FAM222B: variants seen among roughly 807,000 people sequenced by gnomAD.
The protein encoded by FAM222B is protein FAM222B.
A neutral mutation model predicts 38.0 loss-of-function variants in FAM222B; 12 were observed. That is an observed-to-expected ratio of 0.32 (90% CI 0.20 to 0.51). The LOEUF (loss-of-function observed/expected upper bound fraction) is 0.51, where lower values mean the gene tolerates loss of function less well. Ranked by LOEUF, FAM222B falls within the 20% of genes least tolerant of loss-of-function variation. FAM222B has a pLI of 0.97. For synonymous variants in FAM222B, 329 were observed against 317.2 expected (o/e 1.04, Z -0.40); for missense variants, 716 against 754.2 (o/e 0.95, Z 0.59).
chr17:28,803,667 G>A (rs1378678078), intron 1 of FAM222B, among the ~76,000 whole-genome samples: 1 of 151,966 alleles, frequency 6.6e-6, no homozygotes, highest in African/African-American at 2.4e-5. Context: ...TATACTATGG[G>A]GTCAGAAGAC....
intron 1 of FAM222B, among the ~76,000 whole-genome samples, chr17:28,787,012 C>T (rs1359498828): frequency 5.3e-5 from 8 of 151,342 alleles, no homozygotes; most frequent in African/African-American, 1.7e-4. Context: ...GCAACCTCCA[C>T]CTCCTGGGTT....
chr17:28,760,260 G>C (rs1025393839), intron 2 of FAM222B, among the ~76,000 whole-genome samples: 1 of 152,092 alleles, frequency 6.6e-6, no homozygotes, highest in African/African-American at 2.4e-5. Context: ...AGAGGTAACC[G>C]AGAGTTCTCC....
chr17:28,854,962 C>G (rs2039217201), exon 1 of FAM222B: 1 of 1,492,624 alleles, frequency 6.7e-7, no homozygotes, highest in Non-Finnish European at 8.9e-7. Flanking sequence ...CTCTCCTACT[C>G]GCTGGTTCGT....
intron 1 of FAM222B, chr17:28,767,021 C>T (rs981074915): frequency 9.2e-6 from 2 of 217,196 alleles, no homozygotes; most frequent in South Asian, 1.7e-4. Context: ...GGAGAGTGGG[C>T]CCTCATAGGG....
chr17:28,822,856 T>C (rs1430209134), intron 1 of FAM222B, among the ~76,000 whole-genome samples: 1 of 103,624 alleles, frequency 9.7e-6, no homozygotes, highest in South Asian at 3.2e-4. Context: ...TATATATATA[T>C]ATATATATAC....
chr17:28,840,016 A>G (rs1190089360), intron 1 of FAM222B, among the ~76,000 whole-genome samples: 1 of 151,994 alleles, frequency 6.6e-6, no homozygotes, highest in African/African-American at 2.4e-5. Context: ...TAAGGTCTCA[A>G]TCCTCAGAGT....
chr17:28,804,907 G>A (rs542744758), intron 1 of FAM222B, among the ~76,000 whole-genome samples: 8 of 151,756 alleles, frequency 5.3e-5, no homozygotes, highest in Middle Eastern at 3.5e-3. Context: ...TTAGCCAGGC[G>A]TGGTGGCAGG....
At chr17:28,812,134 C>T (rs920959686) in intron 1 of FAM222B, 11 of 152,150 alleles carry the variant, frequency 7.2e-5, no homozygotes, top group African/African-American at 2.4e-4. Flanking sequence ...ACATTATTTC[C>T]CGTTCCATTT....
At chr17:28,790,984 C>T (rs898473475) in intron 1 of FAM222B, among the ~76,000 whole-genome samples, 7 of 143,200 alleles carry the variant, frequency 4.9e-5, no homozygotes, top group South Asian at 2.3e-4. Flanking sequence ...CTGCAAGCTC[C>T]GCCTCCCAGG....
chr17:28,770,111 C>G (rs2035551740), intron 1 of FAM222B, among the ~76,000 whole-genome samples: 1 of 152,078 alleles, frequency 6.6e-6, no homozygotes, highest in South Asian at 2.1e-4. Flanking sequence ...CACTTTTTAC[C>G]ACCATCATTA....
intron 1 of FAM222B, among the ~76,000 whole-genome samples, chr17:28,838,633 G>A (rs771243199): frequency 2.6e-4 from 40 of 151,838 alleles, no homozygotes; most frequent in African/African-American, 8.2e-4. Context: ...TTGGCTGGGC[G>A]CGGTGGCTCA....
intron 2 of FAM222B, among the ~76,000 whole-genome samples, chr17:28,764,669 C>T (rs964402158): frequency 6.6e-6 from 1 of 151,920 alleles, no homozygotes; most frequent in South Asian, 2.1e-4. Flanking sequence ...ATCGCTTGAA[C>T]CCAGAAGGCG....
At chr17:28,782,994 C>T (rs2036227527) in intron 1 of FAM222B, among the ~76,000 whole-genome samples, 3 of 151,364 alleles carry the variant, frequency 2.0e-5, no homozygotes, top group South Asian at 4.2e-4. Flanking sequence ...AAAAATTAGC[C>T]GGGTGAGGCG....
chr17:28,791,807 G>A (rs866840084), intron 1 of FAM222B, among the ~76,000 whole-genome samples: 13 of 151,174 alleles, frequency 8.6e-5, no homozygotes, highest in Admixed American at 1.3e-4. Flanking sequence ...TTACAGGCAC[G>A]TGTCACCACG....
intron 1 of FAM222B, among the ~76,000 whole-genome samples, chr17:28,817,108 T>C (rs1296966627): frequency 6.6e-6 from 1 of 151,700 alleles, no homozygotes; most frequent in Admixed American, 6.6e-5. Context: ...AAGACATGAC[T>C]GTTAAAAAAA....
chr17:28,802,658 G>C lies in FAM222B; in HGVS notation c.-40-35951C>G, dbSNP rs143029884. 568 of 180,058 alleles carry C rather than the reference G, an allele frequency of 3.2e-3. 3 individuals carry two copies. The highest frequency in any genetic ancestry group is 5.1e-3 in the Non-Finnish European group (405 of 79,392). 11.2% of individuals were successfully genotyped at this position (180,058 alleles called of 1,614,324 possible). A position where few individuals can be genotyped will look rare whatever the true frequency, so the allele number is the denominator to read the frequency against. ...CATTGATAGCAGGCTCAACAAAGCT[G>C]TCTGGGCCAAAGGAATAAGGAATGT... is the stretch of plus-strand genomic sequence containing the variant. On this transcript the variant is annotated intron_variant, in intron 1 of 2. Transcript: ENST00000581407.
chr17:28,832,798 G>A (rs1286088307), intron 1 of FAM222B, among the ~76,000 whole-genome samples: 2 of 152,066 alleles, frequency 1.3e-5, no homozygotes, highest in African/African-American at 4.8e-5. Flanking sequence ...CAAGAAGGGG[G>A]AGAAGTTGAA....
Position 28,852,124 on chromosome 17 carries a change from T to A in FAM222B, c.-41+2826A>T, listed in dbSNP as rs536639673. On this transcript the variant is annotated intron_variant, in intron 1 of 2. Coordinates refer to the FAM222B transcript ENST00000577513. ...GGCTCACGCCTGCAATCCTAGCACT[T>A]TGGGAGGCCAAGGCGGGTGGATCAC... Among the ~76,000 whole-genome samples the A allele has an allele frequency of 9.2e-5, 14 of 151,868 alleles. No homozygotes were observed. In the East Asian group the frequency reaches 2.5e-3, roughly 27 times the overall value.
chr17:28,829,098 A>C (rs2038554301), intron 1 of FAM222B, among the ~76,000 whole-genome samples: 1 of 151,044 alleles, frequency 6.6e-6, no homozygotes, highest in Admixed American at 6.6e-5. Flanking sequence ...TAGAGATGGG[A>C]TTTCACTACA....
Sources: gnomAD v4.1 joint callset for allele counts (sites outside exome capture counted in the v4.1 genomes callset) on GRCh38, gnomAD v4.1.1 for gene constraint, MANE v1.5 for transcripts, NCBI Gene and HGNC (gene_info 2026-07-23, HGNC 2026-07-21) for gene names.